The following MRPS6 variants were observed in gnomAD, a reference collection of about 807,000 sequenced individuals.
MRPS6 encodes mitochondrial ribosomal protein S6.
In MRPS6, 6 loss-of-function variants were observed where a neutral mutation model predicts 13.1. The ratio of observed to expected loss-of-function variants is 0.46; its 90% CI spans 0.25 to 0.91. The LOEUF is 0.91. Ranked by LOEUF, MRPS6 falls within the 40% of genes least tolerant of loss-of-function variation. The pLI, the probability that MRPS6 is intolerant of heterozygous loss-of-function variation, is 0.18. For synonymous variants in MRPS6, 61 were observed against 56.5 expected (o/e 1.08, Z -0.36); for missense variants, 164 against 155.6 (o/e 1.05, Z -0.29).
chr21:34,113,752 C>T (rs562583889), intron 1 of MRPS6, among the ~76,000 whole-genome samples: 11 of 152,202 alleles, frequency 7.2e-5, no homozygotes, highest in Non-Finnish European at 1.5e-4. Flanking sequence ...ATTTTAAGAA[C>T]TTCTCTTAAC....
chr21:34,111,590 G>T (rs1034274358), intron 1 of MRPS6, among the ~76,000 whole-genome samples: 1 of 152,186 alleles, frequency 6.6e-6, no homozygotes, highest in African/African-American at 2.4e-5. Flanking sequence ...TTGCTCTTCT[G>T]TTTTTTCCTC....
chr21:34,135,350 T>TG, intron 2 of MRPS6: 1 of 130,792 alleles, frequency 7.6e-6, no homozygotes, highest in Non-Finnish European at 1.4e-5. Flanking sequence ...GAGCCGGTTT[T>TG]TTTTTTTTTT....
intron 1 of MRPS6, among the ~76,000 whole-genome samples, chr21:34,081,847 T>C (rs965590580): frequency 4.6e-5 from 7 of 152,190 alleles, no homozygotes; most frequent in African/African-American, 1.4e-4. Flanking sequence ...ATAAAACTTA[T>C]TATATCTAAG....
chr21:34,119,947 A>G (rs771744195), intron 1 of MRPS6, among the ~76,000 whole-genome samples: 3 of 152,078 alleles, frequency 2.0e-5, no homozygotes, highest in Admixed American at 6.6e-5. Flanking sequence ...TACTACAGCA[A>G]CTTTTCCCAT....
At chr21:34,134,739 T>C (rs2123269530) in intron 2 of MRPS6, among the ~76,000 whole-genome samples, 1 of 152,298 alleles carries the variant, frequency 6.6e-6, no homozygotes, top group Non-Finnish European at 1.5e-5. Flanking sequence ...CAGAAGTGAT[T>C]GCAGATGCAG....
At chr21:34,098,876 T>C in intron 1 of MRPS6, 5 of 999,858 alleles carry the variant, frequency 5.0e-6, no homozygotes, top group Non-Finnish European at 6.0e-6. Context: ...ATTATGTATG[T>C]ACTTTCTTTG....
rs62213666 is a variant in MRPS6 at position 34,142,922 on chromosome 21, G to A, written c.*322G>A. The A allele has an allele frequency of 7.6e-3, 1,522 of 199,506 alleles. 11 individuals are homozygous for A. Among genetic ancestry groups the A allele is most frequent in the Middle Eastern group, 0.026 (14 of 548 alleles). 12.4% of individuals were successfully genotyped at this position (199,506 alleles called of 1,614,324 possible). On this transcript the variant is annotated 3_prime_UTR_variant, in exon 3 of 3. Coordinates refer to ENST00000399312, the MANE Select transcript of MRPS6 (RefSeq NM_032476.4). ...AGAGCAAAACTTATAATACCTCCTG[G>A]GATTGTGAGCTAGTCATTCAGCCTG...
intron 2 of MRPS6, among the ~76,000 whole-genome samples, chr21:34,125,725 G>T (rs769890843): frequency 6.6e-6 from 1 of 152,180 alleles, no homozygotes; most frequent in Non-Finnish European, 1.5e-5. Context: ...AGTCTAGCTT[G>T]TGGAACCTTT....
intron 1 of MRPS6, among the ~76,000 whole-genome samples, chr21:34,078,772 A>G (rs1483139383): frequency 6.6e-6 from 1 of 152,256 alleles, no homozygotes; most frequent in Admixed American, 6.5e-5. Context: ...GGTAGAGAAC[A>G]AATGATAAAA....
At chr21:34,103,012 A>G in intron 1 of MRPS6, 1 of 999,692 alleles carries the variant, frequency 1.0e-6, no homozygotes, top group Non-Finnish European at 1.2e-6. Flanking sequence ...AGAGTAGTCT[A>G]GATAAGTTTT....
chr21:34,110,261 C>G (rs1033704541), intron 1 of MRPS6, among the ~76,000 whole-genome samples: 1 of 152,084 alleles, frequency 6.6e-6, no homozygotes, highest in Non-Finnish European at 1.5e-5. Flanking sequence ...CCCAGGAGTT[C>G]GAGACCAGCT....
At chr21:34,132,797 TTC>T (rs1980550558) in intron 2 of MRPS6, among the ~76,000 whole-genome samples, 1 of 152,206 alleles carries the variant, frequency 6.6e-6, no homozygotes, top group Admixed American at 6.5e-5. Context: ...CAGTCTATGA[TTC>T]TGTAACCCAT....
chr21:34,092,769 C>A (rs531530878), intron 1 of MRPS6, among the ~76,000 whole-genome samples: 1 of 152,166 alleles, frequency 6.6e-6, no homozygotes, highest in Non-Finnish European at 1.5e-5. Context: ...CTATTTCCCC[C>A]CCAACGGCCA....
intron 1 of MRPS6, chr21:34,101,088 G>A (rs1265085263): frequency 7.0e-6 from 7 of 999,880 alleles, no homozygotes; most frequent in South Asian, 4.7e-5. Flanking sequence ...GTTAAATTAC[G>A]TGACTACAGA....
Position 34,142,659 on chromosome 21 carries a change from G to A in MRPS6, c.*59G>A, listed in dbSNP as rs958306281. 4.8e-6 allele frequency: 7 copies of A among 1,472,800 alleles called. No individual in the cohort carries two copies. In the Admixed American group the frequency reaches 9.8e-5, roughly 21 times the overall value. 91.2% of individuals were successfully genotyped at this position (1,472,800 alleles called of 1,614,324 possible). ...TCCTTCACATTTGGGCAGCATGGAC[G>A]AGAAGGAAGAATTTGCAAGTTTGGC... is the stretch of plus-strand genomic sequence containing the variant. On this transcript the variant is annotated 3_prime_UTR_variant, in exon 3 of 3. Coordinates refer to ENST00000399312, the MANE Select transcript of MRPS6 (RefSeq NM_032476.4).
chr21:34,100,029 A>T (rs1979163187), intron 1 of MRPS6: 1 of 926,940 alleles, frequency 1.1e-6, no homozygotes, highest in African/African-American at 1.8e-5. Context: ...CTTTACACTG[A>T]CTAAATGGGT....
chr21:34,135,008 C>CT lies in MRPS6; in HGVS notation c.186-7391dup, dbSNP rs577293070. On this transcript the variant is annotated intron_variant, in intron 2 of 2. Transcript: ENST00000399312. Reference sequence around the variant, plus strand: ...GCGTATATTGTAAGTTGAGGAACATCTTTTTTTTTAGACTTACATAGAATT... The same window carrying CT: ...GCGTATATTGTAAGTTGAGGAACATCTTTTTTTTTTAGACTTACATAGAATT... 1.7e-4 allele frequency among the ~76,000 whole-genome samples: 26 copies of CT among 151,478 alleles called. No homozygotes were observed. In the South Asian group the frequency reaches 4.0e-3, roughly 23 times the overall value.
intron 1 of MRPS6, among the ~76,000 whole-genome samples, chr21:34,122,011 C>T (rs1158749690): frequency 2.0e-5 from 3 of 152,066 alleles, no homozygotes; most frequent in Non-Finnish European, 4.4e-5. Flanking sequence ...AGGAATACAC[C>T]CTCTATACGT....
At chr21:34,137,782 AT>A (rs3989178) in intron 2 of MRPS6, among the ~76,000 whole-genome samples, 1,918 of 145,074 alleles carry the variant, frequency 0.013, 40 homozygotes, top group South Asian at 0.084. Flanking sequence ...GTTTGCTGAG[AT>A]TTTTTTTTTT....
Sources: gnomAD v4.1 joint callset for allele counts (sites outside exome capture counted in the v4.1 genomes callset) on GRCh38, gnomAD v4.1.1 for gene constraint, MANE v1.5 for transcripts, NCBI Gene and HGNC (gene_info 2026-07-23, HGNC 2026-07-21) for gene names.